Variants in PELI2 observed in about 807,000 individuals in gnomAD.
The protein encoded by PELI2 is pellino E3 ubiquitin protein ligase family member 2.
PELI2 carries 23 observed loss-of-function variants against 42.3 expected under a neutral mutation model. That is an observed-to-expected ratio of 0.54 (90% CI 0.39 to 0.77). The LOEUF is 0.77. Ranked by LOEUF, PELI2 falls within the 30% of genes least tolerant of loss-of-function variation. PELI2 has a pLI of 0.00. For synonymous variants in PELI2, 245 were observed against 212.2 expected (o/e 1.15, Z -1.34); for missense variants, 463 against 553.2 (o/e 0.84, Z 1.64).
intron 1 of PELI2, among the ~76,000 whole-genome samples, chr14:56,159,117 AAC>A (rs1884668229): frequency 1.3e-5 from 2 of 152,236 alleles, no homozygotes; most frequent in South Asian, 4.1e-4. Flanking sequence ...TTGCATGTGA[AAC>A]ACAGAGTATC....
intron 2 of PELI2, among the ~76,000 whole-genome samples, chr14:56,184,264 A>G (rs1214494933): frequency 6.6e-6 from 1 of 152,116 alleles, no homozygotes; most frequent in African/African-American, 2.4e-5. Flanking sequence ...AATTTTAATT[A>G]TTAAAATGGA....
intron 1 of PELI2, among the ~76,000 whole-genome samples, chr14:56,129,651 A>T (rs1229010330): frequency 6.6e-6 from 1 of 152,164 alleles, no homozygotes; most frequent in East Asian, 1.9e-4. Context: ...TGTGCCCACC[A>T]GCTAGGGGAT....
At chr14:56,263,400 C>CA (rs1048674623) in intron 2 of PELI2, among the ~76,000 whole-genome samples, 8 of 150,794 alleles carry the variant, frequency 5.3e-5, no homozygotes, top group South Asian at 2.1e-4. Context: ...AAATTTCAGC[C>CA]AAAAAAAAGA....
chr14:56,244,973 T>C (rs1057189515), intron 2 of PELI2, among the ~76,000 whole-genome samples: 1 of 152,222 alleles, frequency 6.6e-6, no homozygotes, highest in Non-Finnish European at 1.5e-5. Context: ...TCTGACTGTT[T>C]ACTAGCATGT....
Position 56,195,907 on chromosome 14 carries a change from C to T in PELI2, c.207+17443C>T, listed in dbSNP as rs546960490. Among the ~76,000 whole-genome samples the T allele has an allele frequency of 9.8e-5, 15 of 152,304 alleles. No individual in the cohort carries two copies. The South Asian group carries it at 1.0e-3, about 11-fold the overall frequency. On this transcript the variant is annotated intron_variant, in intron 2 of 5. Coordinates refer to ENST00000267460, the MANE Select transcript of PELI2 (RefSeq NM_021255.3). ...TTTCAGGCAGCATGTGACAGTGCTC[C>T]GGACAGGAGAGCATGGCCTCTGCAA...
At chr14:56,194,229 C>A (rs1285311278) in intron 2 of PELI2, among the ~76,000 whole-genome samples, 1 of 152,166 alleles carries the variant, frequency 6.6e-6, no homozygotes, top group Non-Finnish European at 1.5e-5. Context: ...TGGCATGTGT[C>A]TGCCTCTCTC....
chr14:56,199,794 C>G (rs1163397036), intron 2 of PELI2, among the ~76,000 whole-genome samples: 1 of 152,214 alleles, frequency 6.6e-6, no homozygotes, highest in Non-Finnish European at 1.5e-5. Context: ...GTAGTTTTCA[C>G]TCAGCTTACC....
chr14:56,124,832 C>T (rs969827071), intron 1 of PELI2, among the ~76,000 whole-genome samples: 1 of 152,134 alleles, frequency 6.6e-6, no homozygotes. Context: ...GAGATGAAAA[C>T]GTGCAGCTAC....
intron 2 of PELI2, among the ~76,000 whole-genome samples, chr14:56,212,336 G>T (rs1886740378): frequency 6.6e-6 from 1 of 152,184 alleles, no homozygotes. Flanking sequence ...TTGGAAAGTG[G>T]CACTATTTCC....
At chr14:56,222,004 A>G (rs1463753232) in intron 2 of PELI2, among the ~76,000 whole-genome samples, 7 of 151,434 alleles carry the variant, frequency 4.6e-5, no homozygotes, top group Admixed American at 4.6e-4. Context: ...AATAACAGTT[A>G]TTTTGTGTTA....
intron 2 of PELI2, among the ~76,000 whole-genome samples, chr14:56,247,111 T>TAC (rs1888190232): frequency 2.0e-5 from 3 of 152,186 alleles, no homozygotes; most frequent in Non-Finnish European, 2.9e-5. Context: ...TTGTGTCTGG[T>TAC]ACACAGCAAG....
At chr14:56,171,278 A>G (rs1271341098) in intron 1 of PELI2, among the ~76,000 whole-genome samples, 1 of 152,122 alleles carries the variant, frequency 6.6e-6, no homozygotes, top group Non-Finnish European at 1.5e-5. Context: ...TATATCAGGA[A>G]TGGGTTCCTG....
chr14:56,259,070 A>T (rs775806732), intron 2 of PELI2, among the ~76,000 whole-genome samples: 2 of 152,170 alleles, frequency 1.3e-5, no homozygotes, highest in Non-Finnish European at 2.9e-5. Context: ...ACTAAAGGGG[A>T]CGGACAGAAG....
chr14:56,292,109 A>G (rs532740739), intron 5 of PELI2, among the ~76,000 whole-genome samples: 3 of 152,246 alleles, frequency 2.0e-5, no homozygotes, highest in Non-Finnish European at 4.4e-5. Flanking sequence ...TGTGTGCTGG[A>G]GAATTTTACA....
chr14:56,202,500 C>T (rs1221015405), intron 2 of PELI2, among the ~76,000 whole-genome samples: 2 of 123,314 alleles, frequency 1.6e-5, no homozygotes, highest in African/African-American at 5.3e-5. Flanking sequence ...CTTCGCTACA[C>T]TTGAGCCTGC....
intron 4 of PELI2, among the ~76,000 whole-genome samples, chr14:56,289,011 A>G (rs546478589): frequency 9.9e-4 from 151 of 152,292 alleles, no homozygotes; most frequent in Middle Eastern, 3.4e-3. Context: ...AAAATGTTTT[A>G]TGAGTGTTTG....
At chr14:56,201,056 G>T (rs1886315212) in intron 2 of PELI2, among the ~76,000 whole-genome samples, 1 of 152,148 alleles carries the variant, frequency 6.6e-6, no homozygotes, top group South Asian at 2.1e-4. Context: ...CTTTAAATGT[G>T]AACCCAAGGA....
chr14:56,224,562 G>C (rs1451424120), intron 2 of PELI2, among the ~76,000 whole-genome samples: 1 of 152,212 alleles, frequency 6.6e-6, no homozygotes. Context: ...ATAATGTAAA[G>C]TGTTATGTAT....
intron 2 of PELI2, among the ~76,000 whole-genome samples, chr14:56,223,632 T>G (rs1170659413): frequency 1.3e-5 from 2 of 152,218 alleles, no homozygotes; most frequent in African/African-American, 4.8e-5. Context: ...GTTTATAAGT[T>G]GCATACATGT....
Sources: gnomAD v4.1 joint callset for allele counts (sites outside exome capture counted in the v4.1 genomes callset) on GRCh38, gnomAD v4.1.1 for gene constraint, MANE v1.5 for transcripts, NCBI Gene and HGNC (gene_info 2026-07-23, HGNC 2026-07-21) for gene names.